The following ARHGAP20 variants were observed in gnomAD, a reference collection of about 807,000 sequenced individuals.
ARHGAP20 encodes rho GTPase-activating protein 20.
ARHGAP20 carries 34 observed loss-of-function variants against 73.7 expected under a neutral mutation model. The ratio of observed to expected loss-of-function variants is 0.46; its 90% CI spans 0.35 to 0.61. ARHGAP20 has a LOEUF of 0.61. Among genes scored for constraint, ARHGAP20 ranks in the 20% least tolerant of loss-of-function variants. ARHGAP20 has a pLI of 0.00. For synonymous variants in ARHGAP20, 523 were observed against 518.2 expected (o/e 1.01, Z -0.13); for missense variants, 1,314 against 1,420.9 (o/e 0.92, Z 1.21).
intron 1 of ARHGAP20, among the ~76,000 whole-genome samples, chr11:110,695,566 G>A (rs1292130182): frequency 6.6e-6 from 1 of 151,516 alleles, no homozygotes; most frequent in Non-Finnish European, 1.5e-5. Flanking sequence ...TTGCCAATAA[G>A]GATATGAGAA....
intron 1 of ARHGAP20, among the ~76,000 whole-genome samples, chr11:110,692,404 C>T (rs1950260361): frequency 6.6e-6 from 1 of 152,116 alleles, no homozygotes; most frequent in Admixed American, 6.6e-5. Flanking sequence ...TACTCTCTAT[C>T]CTGATTCTCT....
intron 2 of ARHGAP20, among the ~76,000 whole-genome samples, chr11:110,663,000 C>T (rs1360787139): frequency 6.6e-6 from 1 of 151,812 alleles, no homozygotes; most frequent in African/African-American, 2.4e-5. Context: ...GTGTTGTAAA[C>T]TTAATGAAAA....
At chr11:110,624,434 T>C in intron 3 of ARHGAP20, 123 bp from the exon 4 acceptor site, 2 of 713,082 alleles carry the variant, frequency 2.8e-6, no homozygotes, top group Non-Finnish European at 4.4e-6. Flanking sequence ...ATACTGCATG[T>C]TCTCACTCAT....
intron 2 of ARHGAP20, among the ~76,000 whole-genome samples, chr11:110,644,891 T>A (rs951204019): frequency 6.6e-6 from 1 of 152,118 alleles, no homozygotes; most frequent in African/African-American, 2.4e-5. Flanking sequence ...AAACTATGCA[T>A]CTGACAAAGG....
intron 2 of ARHGAP20, 105 bp downstream of exon 2, chr11:110,690,442 A>C (rs1393315051): frequency 2.6e-6 from 3 of 1,141,260 alleles, no homozygotes; most frequent in Non-Finnish European, 3.8e-6. Flanking sequence ...GGTGCTGATA[A>C]CAAACAACCT....
intron 7 of ARHGAP20, among the ~76,000 whole-genome samples, chr11:110,610,927 A>T (rs1948351868): frequency 6.6e-6 from 1 of 152,110 alleles, no homozygotes; most frequent in Non-Finnish European, 1.5e-5. Context: ...TTGGGATAAT[A>T]ACAGGATAAT....
intron 3 of ARHGAP20, among the ~76,000 whole-genome samples, chr11:110,628,102 A>T (rs1948783465): frequency 6.6e-6 from 1 of 152,170 alleles, no homozygotes; most frequent in Admixed American, 6.5e-5. Flanking sequence ...CTAAACAAAT[A>T]TGTAGCAGTT....
Position 110,578,704 on chromosome 11 carries a change from C to G in ARHGAP20, c.*666G>C, listed in dbSNP as rs961496525. 1.0e-6 allele frequency: 1 copy of G among 985,180 alleles called. No homozygotes were observed. The allele number at this position is 985,180 out of a possible 1,614,324, so 61.0% of individuals were successfully genotyped here. On this transcript the variant is annotated 3_prime_UTR_variant, in exon 15 of 15. Coordinates refer to ENST00000683387, the MANE Select transcript of ARHGAP20 (RefSeq NM_001384657.1). ...CTTCAACATGAATGAAAAAACAAAC[C>G]GACAAATACAACCAACAAAACTGAT...
intron 9 of ARHGAP20, among the ~76,000 whole-genome samples, chr11:110,596,422 T>C (rs950685844): frequency 4.0e-5 from 6 of 150,532 alleles, no homozygotes; most frequent in African/African-American, 1.5e-4. Context: ...ATCCAGAATC[T>C]ACAGTGAACT....
intron 2 of ARHGAP20, among the ~76,000 whole-genome samples, chr11:110,686,644 A>G (rs1950137585): frequency 6.6e-6 from 1 of 152,156 alleles, no homozygotes; most frequent in Non-Finnish European, 1.5e-5. Context: ...TTAGAATCCT[A>G]TAGATAACAG....
intron 11 of ARHGAP20, chr11:110,589,441 A>C: frequency 5.1e-6 from 5 of 985,466 alleles, no homozygotes; most frequent in Non-Finnish European, 6.0e-6. Context: ...CAGCTGGAGT[A>C]GGGGTATGCA....
In ARHGAP20 at chr11:110,593,473, G is replaced by C. The variant is rs917491643; in HGVS notation, c.965-1318C>G. On this transcript the variant is annotated intron_variant, in intron 9 of 14. Transcript: ENST00000683387. ...AATAAACCTAGCTGAAGGCACTAAA[G>C]AGTGAGCAAAAGAAGGTAGATATAG... Among the ~76,000 whole-genome samples the C allele has an allele frequency of 2.6e-5, 4 of 152,190 alleles. No homozygotes were observed. In the East Asian group the frequency reaches 7.7e-4, roughly 29 times the overall value.
At chr11:110,641,994 A>G (rs1949087575) in intron 2 of ARHGAP20, among the ~76,000 whole-genome samples, 1 of 152,094 alleles carries the variant, frequency 6.6e-6, no homozygotes, top group Non-Finnish European at 1.5e-5. Context: ...AAGGTCATCA[A>G]TATGCTTACT....
At chr11:110,640,869 T>C (rs1197374847) in intron 2 of ARHGAP20, among the ~76,000 whole-genome samples, 1 of 152,084 alleles carries the variant, frequency 6.6e-6, no homozygotes, top group East Asian at 1.9e-4. Context: ...AACCTGCACG[T>C]TGTGCACATG....
intron 1 of ARHGAP20, among the ~76,000 whole-genome samples, chr11:110,703,326 A>G (rs7127275): frequency 0.3 from 45,975 of 151,952 alleles, 7,752 homozygotes; most frequent in African/African-American, 0.47. Flanking sequence ...CAATAAACAT[A>G]ATAATCTATG....
At chr11:110,697,282 T>C (rs890983768) in intron 1 of ARHGAP20, among the ~76,000 whole-genome samples, 2 of 151,662 alleles carry the variant, frequency 1.3e-5, no homozygotes, top group Non-Finnish European at 3.0e-5. Context: ...GCCATTCTGA[T>C]GGGTGTAAGA....
intron 2 of ARHGAP20, among the ~76,000 whole-genome samples, chr11:110,635,737 T>G (rs780499388): frequency 6.6e-6 from 1 of 151,982 alleles, no homozygotes; most frequent in Non-Finnish European, 1.5e-5. Flanking sequence ...TGCTTGATAT[T>G]ATAGGTTGGA....
At chr11:110,647,356 T>C (rs1344863712) in intron 2 of ARHGAP20, among the ~76,000 whole-genome samples, 2 of 152,028 alleles carry the variant, frequency 1.3e-5, no homozygotes, top group Non-Finnish European at 2.9e-5. Flanking sequence ...ACCTTTTGAA[T>C]TTGGTAAAAG....
intron 1 of ARHGAP20, among the ~76,000 whole-genome samples, chr11:110,694,868 C>T (rs1950307151): frequency 6.6e-6 from 1 of 151,620 alleles, no homozygotes; most frequent in Non-Finnish European, 1.5e-5. Context: ...AAAAAACCCA[C>T]TAATTCACCA....
Sources: allele counts gnomAD v4.1 joint callset (sites outside exome capture counted in the v4.1 genomes callset), GRCh38; gene constraint gnomAD v4.1.1; transcripts MANE v1.5; gene names NCBI Gene and HGNC (gene_info 2026-07-23, HGNC 2026-07-21).